The following GABRG3 variants were observed in gnomAD, a reference collection of about 807,000 sequenced individuals.
GABRG3 encodes gamma-aminobutyric acid receptor subunit gamma-3.
Under a neutral mutation model 48.8 loss-of-function variants are expected in GABRG3, and 25 were observed. The observed-to-expected ratio is 0.51, with a 90% confidence interval of 0.37 to 0.72. The LOEUF (loss-of-function observed/expected upper bound fraction) is 0.72. Among genes scored for constraint, GABRG3 ranks in the 30% least tolerant of loss-of-function variants. The pLI, the probability that GABRG3 is intolerant of heterozygous loss-of-function variation, is 0.00. For synonymous variants in GABRG3, 227 were observed against 217.6 expected (o/e 1.04, Z -0.38); for missense variants, 394 against 577.9 (o/e 0.68, Z 3.26).
At chr15:27,162,141 T>G (rs1887214730) in intron 3 of GABRG3, among the ~76,000 whole-genome samples, 1 of 152,190 alleles carries the variant, frequency 6.6e-6, no homozygotes, top group Non-Finnish European at 1.5e-5. Context: ...TGGGGATGCT[T>G]AGGAAAAAAT....
chr15:27,501,012 C>G (rs946287040), intron 6 of GABRG3, among the ~76,000 whole-genome samples: 8 of 137,664 alleles, frequency 5.8e-5, no homozygotes, highest in Non-Finnish European at 1.2e-4. Flanking sequence ...AGTGCAGTGG[C>G]GCGATCTCGG....
rs1286233110 is a variant in GABRG3, at chr15:26,974,194, G to A, written c.53+2606G>A. ...GGCTACACAGCTGGGGCCCTGATAT[G>A]CCTCCCAAAGGGGTGGAAGAGAACG... On this transcript the variant is annotated intron_variant, in intron 1 of 9. Transcript: ENST00000615808. The surrounding 1 kb of genome is among the most constrained non-coding windows in gnomAD (Gnocchi z 4.3). Among the ~76,000 whole-genome samples, 3 of 152,142 alleles carry A rather than the reference G, an allele frequency of 2.0e-5. No individual in the cohort carries two copies. The highest frequency in any genetic ancestry group is 2.9e-5 in the Non-Finnish European group (2 of 68,024).
At chr15:27,313,153 T>A (rs11632705) in intron 3 of GABRG3, among the ~76,000 whole-genome samples, 1 of 140,912 alleles carries the variant, frequency 7.1e-6, no homozygotes, top group African/African-American at 2.6e-5. Flanking sequence ...CATAATGTAA[T>A]GATAAAAGAG....
chr15:27,508,919 C>T (rs1027536752), intron 6 of GABRG3, among the ~76,000 whole-genome samples: 1 of 152,086 alleles, frequency 6.6e-6, no homozygotes, highest in Non-Finnish European at 1.5e-5. Flanking sequence ...TGGGGTTTCA[C>T]CGTGTTAGCC....
At position 27,042,721 on chromosome 15, in the gene GABRG3, A is replaced by G. The variant is rs570089898; in HGVS notation, c.270+15900A>G. Among the ~76,000 whole-genome samples the G allele has an allele frequency of 3.3e-5, 5 of 152,208 alleles. No homozygotes were observed. The South Asian group carries it at 1.0e-3, about 32-fold the overall frequency. On this transcript the variant is annotated intron_variant, in intron 3 of 9. Coordinates refer to ENST00000615808, the MANE Select transcript of GABRG3 (RefSeq NM_033223.5). ...AGTCTCTCCACATGCCCTTGGGGCT[A>G]TGCCCTGGGTGGTGCTGCTCCCTCC...
intron 5 of GABRG3, among the ~76,000 whole-genome samples, chr15:27,372,010 G>C (rs1029142217): frequency 1.5e-4 from 23 of 152,006 alleles, no homozygotes; most frequent in African/African-American, 5.6e-4. Context: ...TGCTTTTACT[G>C]TAATTAATAC....
intron 2 of GABRG3, among the ~76,000 whole-genome samples, chr15:27,020,712 C>A (rs541824457): frequency 1.3e-5 from 2 of 152,150 alleles, no homozygotes; most frequent in South Asian, 4.1e-4. Flanking sequence ...CCACCGCGCC[C>A]GGCCTGTTGT....
intron 3 of GABRG3, among the ~76,000 whole-genome samples, chr15:27,165,091 A>T (rs138869816): frequency 2.6e-5 from 4 of 152,212 alleles, no homozygotes; most frequent in Non-Finnish European, 5.9e-5. Flanking sequence ...TGAAAAAAAT[A>T]TAGAATTTAG....
chr15:27,516,920 A>G (rs1364570087), intron 6 of GABRG3, among the ~76,000 whole-genome samples: 1 of 152,238 alleles, frequency 6.6e-6, no homozygotes, highest in African/African-American at 2.4e-5. Flanking sequence ...AACAAGTTTC[A>G]GGTCCTGACT....
intron 5 of GABRG3, chr15:27,340,897 A>C: frequency 2.2e-6 from 1 of 447,936 alleles, no homozygotes; most frequent in Non-Finnish European, 4.3e-6. Context: ...TCTGTTATGT[A>C]CTTTTGTGCA....
intron 2 of GABRG3, among the ~76,000 whole-genome samples, chr15:26,997,723 A>T (rs568460116): frequency 6.6e-6 from 1 of 152,150 alleles, no homozygotes; most frequent in Admixed American, 6.5e-5. Flanking sequence ...TTTTCTCTTT[A>T]TCAATGGATA....
intron 5 of GABRG3, among the ~76,000 whole-genome samples, chr15:27,479,134 A>G (rs1343367915): frequency 6.6e-6 from 1 of 152,190 alleles, no homozygotes; most frequent in East Asian, 1.9e-4. Flanking sequence ...GTGAAAAAAA[A>G]AAAACCCTGA....
chr15:27,195,827 G>A (rs900551632), intron 3 of GABRG3, among the ~76,000 whole-genome samples: 1 of 152,120 alleles, frequency 6.6e-6, no homozygotes, highest in African/African-American at 2.4e-5. Context: ...TAGAGACGGG[G>A]TTTCACTATT....
At chr15:26,984,160 G>T (rs1895107979) in intron 2 of GABRG3, among the ~76,000 whole-genome samples, 1 of 152,124 alleles carries the variant, frequency 6.6e-6, no homozygotes, top group Admixed American at 6.6e-5. Context: ...GGTATGGTGT[G>T]ACATGAACAG....
intron 5 of GABRG3, among the ~76,000 whole-genome samples, chr15:27,409,433 G>T (rs949291226): frequency 6.6e-6 from 1 of 151,900 alleles, no homozygotes; most frequent in African/African-American, 2.4e-5. Context: ...TGGAGTCTCT[G>T]TTCTGTTTCA....
chr15:27,117,418 A>C (rs1897660435), intron 3 of GABRG3, among the ~76,000 whole-genome samples: 1 of 152,260 alleles, frequency 6.6e-6, no homozygotes, highest in South Asian at 2.1e-4. Context: ...TGTGTAGCCT[A>C]AATGAGTCAT....
intron 3 of GABRG3, among the ~76,000 whole-genome samples, chr15:27,098,050 A>G (rs1258147720): frequency 6.6e-6 from 1 of 151,946 alleles, no homozygotes; most frequent in Admixed American, 6.6e-5. Flanking sequence ...GTTAGGCCTG[A>G]ATGATTTGGA....
chr15:27,191,909 A>C (rs1359700705), intron 3 of GABRG3, among the ~76,000 whole-genome samples: 1 of 151,430 alleles, frequency 6.6e-6, no homozygotes, highest in African/African-American at 2.4e-5. Flanking sequence ...GAGCTCTTTT[A>C]GGGCAGGCCT....
Position 27,414,230 on chromosome 15 carries a change from T to C in GABRG3, c.575-66420T>C, listed in dbSNP as rs570950673. 5.3e-5 allele frequency among the ~76,000 whole-genome samples: 8 copies of C among 152,344 alleles called. No individual in the cohort carries two copies. In the East Asian group the frequency reaches 7.7e-4, roughly 15 times the overall value. On this transcript the variant is annotated intron_variant, in intron 5 of 9. Coordinates refer to ENST00000615808, the MANE Select transcript of GABRG3 (RefSeq NM_033223.5). ...CTCCCCTTGGGATCAGTTCATGTTA[T>C]CTTTCTGGTTCATGAATGTCCCAAA...
Sources: gnomAD v4.1 joint callset for allele counts (sites outside exome capture counted in the v4.1 genomes callset) on GRCh38, gnomAD v4.1.1 for gene constraint, Gnocchi (gnomAD v3.1) non-coding constraint, MANE v1.5 for transcripts, NCBI Gene and HGNC (gene_info 2026-07-23, HGNC 2026-07-21) for gene names.